The following ERC1 variants were observed in gnomAD, a reference collection of about 807,000 sequenced individuals.
ERC1 encodes the protein RAB6 interacting protein 2.
Under a neutral mutation model 132.0 loss-of-function variants are expected in ERC1, and 56 were observed. The observed-to-expected ratio is 0.42, with a 90% CI of 0.34 to 0.53. The LOEUF (loss-of-function observed/expected upper bound fraction) is 0.53. Ranked by LOEUF, ERC1 falls within the 20% of genes least tolerant of loss-of-function variation. The pLI, the probability that ERC1 is intolerant of heterozygous loss-of-function variation, is 0.03. For missense variants in ERC1, 1,202 were observed against 1,349.9 expected, an observed-to-expected ratio of 0.89 and a Z score of 1.72; for synonymous variants, 478 against 476.1, an observed-to-expected ratio of 1.00 and a Z score of -0.05.
At chr12:1,350,920 C>T (rs569577008) in intron 15 of ERC1, among the ~76,000 whole-genome samples, 20 of 152,266 alleles carry the variant, frequency 1.3e-4, no homozygotes, top group South Asian at 4.1e-4. Context: ...GGCTTTATCA[C>T]AACCCACTCT....
intron 14 of ERC1, among the ~76,000 whole-genome samples, chr12:1,272,401 T>C (rs1224645422): frequency 6.6e-6 from 1 of 152,176 alleles, no homozygotes; most frequent in Non-Finnish European, 1.5e-5. Context: ...AACTTACTGT[T>C]AAATTCTAAT....
chr12:1,286,499 A>G (rs535148196), intron 14 of ERC1, among the ~76,000 whole-genome samples: 2 of 152,156 alleles, frequency 1.3e-5, no homozygotes, highest in East Asian at 3.8e-4. Context: ...CTTGTAGATA[A>G]AACTTATAAA....
intron 18 of ERC1, among the ~76,000 whole-genome samples, chr12:1,489,097 C>A (rs144592984): frequency 6.6e-6 from 1 of 152,192 alleles, no homozygotes; most frequent in Non-Finnish European, 1.5e-5. Context: ...CTGGCCCTCG[C>A]GTGTGTTTTC....
At chr12:1,348,619 G>A (rs1026865613) in intron 15 of ERC1, among the ~76,000 whole-genome samples, 36 of 151,952 alleles carry the variant, frequency 2.4e-4, no homozygotes, top group Admixed American at 1.4e-3. Flanking sequence ...CTTGAACCTC[G>A]GAGGCAGAGC....
At chr12:1,362,675 CAG>C (rs2086249857) in intron 15 of ERC1, among the ~76,000 whole-genome samples, 1 of 152,134 alleles carries the variant, frequency 6.6e-6, no homozygotes, top group Non-Finnish European at 1.5e-5. Context: ...GATTCAAACA[CAG>C]AAAGTAGAAT....
intron 2 of ERC1, among the ~76,000 whole-genome samples, chr12:1,067,379 C>CAGAAGT (rs1375201654): frequency 6.6e-6 from 1 of 152,140 alleles, no homozygotes; most frequent in Non-Finnish European, 1.5e-5. Flanking sequence ...ATAACACAAA[C>CAGAAGT]AGAAGTAATG....
rs79316547 is a variant in ERC1 at position 1,448,067 on chromosome 12, T to C, written c.3213+3317T>C. On this transcript the variant is annotated intron_variant, in intron 18 of 18. Transcript: ENST00000360905. ...AAAAATCTTCAGAGTGATACCAAGATAGAAAATTTCAAACTGATTTTTCAG... is the reference window on the plus strand; with the variant it reads ...AAAAATCTTCAGAGTGATACCAAGACAGAAAATTTCAAACTGATTTTTCAG... Among the ~76,000 whole-genome samples the C allele has an allele frequency of 4.6e-3, 703 of 152,326 alleles. 4 individuals carry two copies. The highest frequency in any genetic ancestry group is 0.016 in the African/African-American group (659 of 41,570).
At chr12:1,335,372 A>C (rs980876290) in intron 15 of ERC1, among the ~76,000 whole-genome samples, 1 of 152,202 alleles carries the variant, frequency 6.6e-6, no homozygotes, top group Non-Finnish European at 1.5e-5. Context: ...GATTTGTCAT[A>C]GGTGGCTCTT....
At chr12:1,212,024 A>G (rs938236441) in intron 12 of ERC1, among the ~76,000 whole-genome samples, 1 of 152,164 alleles carries the variant, frequency 6.6e-6, no homozygotes, top group Non-Finnish European at 1.5e-5. Flanking sequence ...TCTTTCCTAC[A>G]TTACTGCAAA....
At chr12:1,348,099 A>G (rs1262333220) in intron 15 of ERC1, among the ~76,000 whole-genome samples, 3 of 152,160 alleles carry the variant, frequency 2.0e-5, no homozygotes, top group Non-Finnish European at 4.4e-5. Context: ...GTTTATTTAC[A>G]TTGTCTGGCA....
intron 13 of ERC1, among the ~76,000 whole-genome samples, chr12:1,238,402 C>G (rs796704271): frequency 6.6e-6 from 1 of 151,934 alleles, no homozygotes; most frequent in Admixed American, 6.6e-5. Flanking sequence ...TTGTTCTGTG[C>G]TTTCATATTT....
chr12:1,205,116 T>G (rs1282988482), intron 12 of ERC1, among the ~76,000 whole-genome samples: 2 of 152,112 alleles, frequency 1.3e-5, no homozygotes, highest in Admixed American at 6.5e-5. Context: ...GAAGAGAGAT[T>G]TATTATTTTG....
chr12:1,306,028 T>C (rs61061257), intron 15 of ERC1, among the ~76,000 whole-genome samples: 2,757 of 152,302 alleles, frequency 0.018, 84 homozygotes, highest in African/African-American at 0.064. Flanking sequence ...GAGTTACTTC[T>C]GCTTAAAACT....
Position 1,403,995 on chromosome 12 carries a change from G to T in ERC1, c.2926-4154G>T, listed in dbSNP as rs137961646. Among the ~76,000 whole-genome samples, 5 of 152,216 alleles carry T rather than the reference G, an allele frequency of 3.3e-5. No homozygotes were observed. The East Asian group carries it at 9.6e-4, about 29-fold the overall frequency. On this transcript the variant is annotated intron_variant, in intron 16 of 18. Coordinates refer to ENST00000360905, the MANE Select transcript of ERC1 (RefSeq NM_178040.4). ...TGAGAGCTGCTTTGCAGAAGACTTT[G>T]TCATGAAATACCACATGCCATAAGA...
intron 15 of ERC1, among the ~76,000 whole-genome samples, chr12:1,369,710 A>G (rs916571796): frequency 6.6e-6 from 1 of 151,906 alleles, no homozygotes; most frequent in Non-Finnish European, 1.5e-5. Flanking sequence ...TGGTCAGTGG[A>G]TATATTTAGA....
chr12:1,417,140 C>T (rs2092157362), intron 17 of ERC1, among the ~76,000 whole-genome samples: 1 of 152,186 alleles, frequency 6.6e-6, no homozygotes, highest in Non-Finnish European at 1.5e-5. Flanking sequence ...CACCTGTTTT[C>T]TGCTTTTCAG....
At chr12:1,363,543 C>CTTTTTTTTTTTTT (rs34769986) in intron 15 of ERC1, among the ~76,000 whole-genome samples, 1 of 94,336 alleles carries the variant, frequency 1.1e-5, no homozygotes, top group Non-Finnish European at 2.1e-5. Flanking sequence ...TATTTCTTTC[C>CTTTTTTTTTTTTT]TTTTTTTTTT....
intron 2 of ERC1, among the ~76,000 whole-genome samples, chr12:1,041,091 A>G (rs1037850125): frequency 6.6e-6 from 1 of 152,190 alleles, no homozygotes; most frequent in Non-Finnish European, 1.5e-5. Context: ...AATATTTGTC[A>G]TATTAGATAC....
At chr12:1,414,161 A>G (rs530751677) in intron 17 of ERC1, among the ~76,000 whole-genome samples, 4 of 152,318 alleles carry the variant, frequency 2.6e-5, no homozygotes, top group Admixed American at 1.3e-4. Flanking sequence ...ACAGTTCCCA[A>G]CAGGCCACGG....
Sources: allele counts gnomAD v4.1 joint callset (sites outside exome capture counted in the v4.1 genomes callset), GRCh38; gene constraint gnomAD v4.1.1; transcripts MANE v1.5; gene names NCBI Gene and HGNC (gene_info 2026-07-23, HGNC 2026-07-21).